RUFY3: variants seen among roughly 807,000 people sequenced by gnomAD.
RUFY3 encodes RUN and FYVE domain containing 3, also known as protein RUFY3.
RUFY3 carries 34 observed loss-of-function variants against 84.0 expected under a neutral mutation model. The ratio of observed to expected loss-of-function variants is 0.40; its 90% CI spans 0.31 to 0.54. The LOEUF (loss-of-function observed/expected upper bound fraction) is 0.54, where lower values mean the gene tolerates loss of function less well. RUFY3 is among the 20% of genes least tolerant of loss of function. The pLI is 0.39. For synonymous variants in RUFY3, 242 were observed against 252.9 expected (o/e 0.96, Z 0.41); for missense variants, 507 against 736.8 (o/e 0.69, Z 3.61).
exon 1 of RUFY3, chr4:70,705,161 C>G (rs1454715669): frequency 2.1e-6 from 3 of 1,458,328 alleles, no homozygotes; most frequent in Non-Finnish European, 2.7e-6. Flanking sequence ...ATGGAGGCGC[C>G]GGCTTCGGAG....
chr4:70,752,070 C>T (rs897199461), intron 1 of RUFY3, among the ~76,000 whole-genome samples: 13 of 152,082 alleles, frequency 8.5e-5, no homozygotes, highest in Non-Finnish European at 1.9e-4. Context: ...CGTGAGATAC[C>T]GCGCCCAGCC....
At chr4:70,726,547 A>AT (rs1444965696) in intron 1 of RUFY3, among the ~76,000 whole-genome samples, 1 of 152,038 alleles carries the variant, frequency 6.6e-6, no homozygotes, top group Non-Finnish European at 1.5e-5. Context: ...CTAATTTTGT[A>AT]TTTTTAGCAG....
upstream of RUFY3, chr4:70,704,754 T>A (rs985150149): frequency 4.5e-5 from 17 of 377,000 alleles, no homozygotes; most frequent in Non-Finnish European, 1.3e-5. Context: ...GCTTGGACCC[T>A]GGCGGGGCGG....
At chr4:70,758,615 A>T (rs1422489657) in intron 1 of RUFY3, among the ~76,000 whole-genome samples, 1 of 152,186 alleles carries the variant, frequency 6.6e-6, no homozygotes, top group Non-Finnish European at 1.5e-5. Flanking sequence ...ATACAGACTG[A>T]CATTTTGGCT....
intron 10 of RUFY3, 83 bp from the exon 11 acceptor site, chr4:70,788,723 G>C: frequency 6.7e-7 from 1 of 1,482,790 alleles, no homozygotes; most frequent in Non-Finnish European, 9.1e-7. Context: ...GAGAGTTTTG[G>C]TGTACTTTTT....
At chr4:70,794,685 C>T (rs1201084685) in intron 13 of RUFY3, 110 bp from the exon 14 acceptor site, 3 of 727,042 alleles carry the variant, frequency 4.1e-6, no homozygotes, top group African/African-American at 3.6e-5. Flanking sequence ...ACAGCAAGCC[C>T]TTAACCATTC....
At chr4:70,738,316 C>CTTAT (rs1720729457) in intron 1 of RUFY3, among the ~76,000 whole-genome samples, 1 of 140,724 alleles carries the variant, frequency 7.1e-6, no homozygotes, top group Admixed American at 7.2e-5. Flanking sequence ...TTATGTCATA[C>CTTAT]TTATTTAGAT....
At position 70,789,934 on chromosome 4, in the gene RUFY3, T is replaced by A. The variant is rs146219703; in HGVS notation, c.1337+342T>A. The A allele has an allele frequency of 2.4e-4, 241 of 1,000,982 alleles. 3 individuals are homozygous for A. In the East Asian group the frequency reaches 0.018, roughly 73 times the overall value. The allele number at this position is 1,000,982 out of a possible 1,614,324, so 62.0% of individuals were successfully genotyped here. On this transcript the variant is annotated intron_variant, in intron 12 of 17. Transcript: ENST00000381006. Reference sequence around the variant, plus strand: ...GGACTCTTAAATGTATGTATGTAATTCTGTGATTTTATTGTTCATCACTGA... The same window carrying A: ...GGACTCTTAAATGTATGTATGTAATACTGTGATTTTATTGTTCATCACTGA...
At chr4:70,732,032 A>G (rs187376786) in intron 1 of RUFY3, among the ~76,000 whole-genome samples, 16 of 152,336 alleles carry the variant, frequency 1.1e-4, no homozygotes, top group Admixed American at 4.6e-4. Context: ...TGTTCCAGTC[A>G]GACTGTGCTT....
chr4:70,711,628 AGCAC>A (rs1362803304), intron 1 of RUFY3, among the ~76,000 whole-genome samples: 1 of 152,234 alleles, frequency 6.6e-6, no homozygotes, highest in Non-Finnish European at 1.5e-5. Flanking sequence ...GTAGATAAAA[AGCAC>A]CCACCCACAT....
intron 4 of RUFY3, among the ~76,000 whole-genome samples, chr4:70,765,370 A>G (rs1277174290): frequency 6.6e-6 from 1 of 152,096 alleles, no homozygotes; most frequent in African/African-American, 2.4e-5. Flanking sequence ...AGAAATCAGG[A>G]TAATAGTTAC....
chr4:70,743,174 A>G (rs1030932158), intron 1 of RUFY3, among the ~76,000 whole-genome samples: 2 of 152,004 alleles, frequency 1.3e-5, no homozygotes, highest in Non-Finnish European at 2.9e-5. Context: ...GGTTCAAGCA[A>G]TTCTCCTGCC....
At chr4:70,774,151 C>CA (rs1234972998) in intron 6 of RUFY3, among the ~76,000 whole-genome samples, 1 of 152,090 alleles carries the variant, frequency 6.6e-6, no homozygotes, top group Non-Finnish European at 1.5e-5. Context: ...TAATTTTTGA[C>CA]ATTGAGCTAA....
intron 1 of RUFY3, among the ~76,000 whole-genome samples, chr4:70,724,514 G>C (rs1383915297): frequency 2.6e-5 from 4 of 152,206 alleles, no homozygotes; most frequent in Non-Finnish European, 5.9e-5. Flanking sequence ...TCTTCATAGA[G>C]AAATCTGTAG....
At chr4:70,806,455 TC>T in intron 17 of RUFY3, 60 bp from the exon 18 acceptor site, 1 of 1,587,588 alleles carries the variant, frequency 6.3e-7, no homozygotes. Context: ...GCTTTTTATA[TC>T]CCATGAATCC....
rs534932686 is a variant in RUFY3, at chr4:70,745,976, G to T, written c.179-16543G>T. On this transcript the variant is annotated intron_variant, in intron 1 of 17. Transcript: ENST00000381006. ...AATTGCTTGAAACTGGGAGGCAGAG[G>T]TTGCGGTGAGCTGAGATCACGCCAC... Among the ~76,000 whole-genome samples, 9 of 152,234 alleles carry T rather than the reference G, an allele frequency of 5.9e-5. No individual in the cohort carries two copies. The South Asian group carries it at 1.9e-3, about 32-fold the overall frequency.
At chr4:70,740,130 G>C (rs1052543986) in intron 1 of RUFY3, among the ~76,000 whole-genome samples, 1 of 152,086 alleles carries the variant, frequency 6.6e-6, no homozygotes, top group Non-Finnish European at 1.5e-5. Context: ...AAGGTACATA[G>C]TGACTCAAAG....
chr4:70,760,090 C>G (rs1724765803), intron 1 of RUFY3, among the ~76,000 whole-genome samples: 1 of 152,144 alleles, frequency 6.6e-6, no homozygotes, highest in Non-Finnish European at 1.5e-5. Flanking sequence ...ATTGTAGCAC[C>G]TTACTAATGG....
rs150107726 is a variant in RUFY3, at chr4:70,725,117, G to C, written c.178+2366G>C. ...CCTCTTAAAATGATGTAGACTGACT[G>C]TGTGTACTCAGCAATAGAGGCTCTG... On this transcript the variant is annotated intron_variant, in intron 1 of 17. Coordinates refer to ENST00000381006, the MANE Select transcript of RUFY3 (RefSeq NM_001037442.4). 4.1e-3 allele frequency among the ~76,000 whole-genome samples: 632 copies of C among 152,310 alleles called. 4 individuals are homozygous for C. The highest frequency in any genetic ancestry group is 7.9e-3 in the Admixed American group (121 of 15,308).
Sources: gnomAD v4.1 joint callset for allele counts (sites outside exome capture counted in the v4.1 genomes callset) on GRCh38, gnomAD v4.1.1 for gene constraint, MANE v1.5 for transcripts, NCBI Gene and HGNC (gene_info 2026-07-23, HGNC 2026-07-21) for gene names.